Variants in MYH9 observed in about 807,000 individuals in gnomAD.
MYH9 encodes myosin-9.
MYH9 carries 29 observed loss-of-function variants against 241.9 expected under a neutral mutation model. That is an observed-to-expected ratio of 0.12 (90% CI 0.09 to 0.16). The LOEUF (loss-of-function observed/expected upper bound fraction) is 0.16, where lower values mean the gene tolerates loss of function less well. Ranked by LOEUF, MYH9 falls within the 10% of genes least tolerant of loss-of-function variation. The pLI is 1.00. For missense variants in MYH9, 1,803 were observed against 2,595.5 expected (o/e 0.69, Z 6.63); for synonymous variants, 1,047 against 1,062.6 (o/e 0.99, Z 0.29).
intron 1 of MYH9, among the ~76,000 whole-genome samples, chr22:36,355,723 CA>C (rs1351548153): frequency 6.6e-6 from 1 of 152,128 alleles, no homozygotes; most frequent in African/African-American, 2.4e-5. Flanking sequence ...GGGGCTCAGA[CA>C]AGGCACAAAA....
chr22:36,381,499 G>C (rs963814874), intron 1 of MYH9, among the ~76,000 whole-genome samples: 2 of 149,092 alleles, frequency 1.3e-5, no homozygotes, highest in African/African-American at 2.5e-5. Context: ...CTGGGCAACA[G>C]AGCGAGACTC....
chr22:36,296,799 T>C (rs2016794594), intron 25 of MYH9, 44 bp downstream of exon 25: 1 of 1,566,206 alleles, frequency 6.4e-7, no homozygotes, highest in Non-Finnish European at 8.6e-7. Flanking sequence ...CAGGAAGGGC[T>C]GGCCCAGGCC....
chr22:36,373,242 C>CCCCCTG (rs1166961983), intron 1 of MYH9, among the ~76,000 whole-genome samples: 4 of 152,322 alleles, frequency 2.6e-5, no homozygotes, highest in Middle Eastern at 3.4e-3. Context: ...CCACTATCCT[C>CCCCCTG]CCCCTGCCCC....
chr22:36,289,800 G>C (rs533707156), intron 31 of MYH9, among the ~76,000 whole-genome samples: 151 of 152,118 alleles, frequency 9.9e-4, no homozygotes, highest in African/African-American at 3.6e-3. Flanking sequence ...CCTTCCTTTT[G>C]GCCCAAACCT....
intron 10 of MYH9, among the ~76,000 whole-genome samples, chr22:36,318,739 G>C (rs1200489654): frequency 3.9e-4 from 59 of 152,172 alleles, no homozygotes; most frequent in Admixed American, 3.8e-3. Flanking sequence ...GCTGGGGCAC[G>C]GAACAGCACA....
At position 36,289,163 on chromosome 22, in the gene MYH9, C is replaced by T. The variant is rs149271663; in HGVS notation, c.4479G>A (p.Ala1493=). Residue 1493 remains alanine (A), a synonymous_variant, in exon 32 of 41, where the codon GCG becomes GCA. Coordinates refer to ENST00000216181, the MANE Select transcript of MYH9 (RefSeq NM_002473.6). ...ACTGCTTGTTGAGCCGCTCCAGCTC[C>T]GCCTTCTGCTCCATGGCTTCCTCCA... ...RALEEAMEQK[A]ELERLNKQFR... is the part of the protein sequence containing the mutation. 101 of 1,613,856 alleles carry T rather than the reference C, an allele frequency of 6.3e-5. No homozygotes were observed. Among genetic ancestry groups the T allele is most frequent in the Middle Eastern group, 1.6e-4 (1 of 6,084 alleles).
chr22:36,285,210 C>T lies in MYH9; in HGVS notation c.5394G>A (p.Glu1798=), dbSNP rs781579067. 1.8e-5 allele frequency: 29 copies of T among 1,614,088 alleles called. No individual in the cohort carries two copies. The highest frequency in any genetic ancestry group is 2.4e-5 in the Non-Finnish European group (28 of 1,180,042). The change falls in exon 38 of 41, where the codon GAG becomes GAA. Residue 1798 remains glutamate, a synonymous_variant. Coordinates refer to ENST00000216181, the MANE Select transcript of MYH9 (RefSeq NM_002473.6). This position sits in a 1 kb window ranked among gnomAD's most constrained non-coding sequence, Gnocchi z 7.0. ...CCTTGTACTTGGACTTGACAGTGCCCTCCATCTCCTGCAGCTTGACCTTAA... is the reference window on the plus strand; with the variant it reads ...CCTTGTACTTGGACTTGACAGTGCCTTCCATCTCCTGCAGCTTGACCTTAA... ...KELKVKLQEM[E]GTVKSKYKAS...
chr22:36,294,489 T>G (rs1047509268), intron 27 of MYH9, among the ~76,000 whole-genome samples, 191 bp from the exon 28 acceptor site: 1 of 152,180 alleles, frequency 6.6e-6, no homozygotes, highest in Non-Finnish European at 1.5e-5. Context: ...TGGGTGACAC[T>G]TGGTTCCTGT....
At chr22:36,336,435 G>A (rs949261664) in intron 3 of MYH9, among the ~76,000 whole-genome samples, 1 of 152,178 alleles carries the variant, frequency 6.6e-6, no homozygotes, top group Non-Finnish European at 1.5e-5. Flanking sequence ...TGCCTGCCCC[G>A]GGACACAGTC....
In MYH9 at chr22:36,349,021, G is replaced by A; in HGVS notation, c.216C>T (p.Ile72=). The part of the protein sequence containing the change: ...GKKVKVNKDD[I]QKMNPPKFSK... ...AGAACTTGGGCGGGTTCATCTTCTG[G>A]ATGTCATCCTTGTTCACCTTCACCT... Residue 72 remains isoleucine, a synonymous_variant, in exon 2 of 41, where the codon ATC becomes ATT. Transcript: ENST00000216181. 1 of 1,614,200 alleles carries A rather than the reference G, an allele frequency of 6.2e-7. No homozygotes were observed. Among genetic ancestry groups the A allele is most frequent in the African/African-American group, 1.3e-5 (1 of 75,048 alleles).
rs750808339 is a variant in MYH9 at position 36,285,730 on chromosome 22, C to A, written c.5202G>T (p.Leu1734=). 59 of 1,612,982 alleles carry A rather than the reference C, an allele frequency of 3.7e-5. No individual in the cohort carries two copies. Among genetic ancestry groups the A allele is most frequent in the Non-Finnish European group, 4.8e-5 (57 of 1,179,856 alleles). ...CCTGCTCCTCCTCCAGCTCCTCCTC[C>A]AGCTGGGCGATGCGGGCCTCCAGAC... The part of the protein sequence containing the change: ...KRRLEARIAQ[L]EEELEEEQGN... Residue 1734 remains leucine (L), a synonymous_variant, in exon 37 of 41, where the codon CTG becomes CTT. Coordinates refer to ENST00000216181, the MANE Select transcript of MYH9 (RefSeq NM_002473.6). This position sits in a 1 kb window ranked among gnomAD's most constrained non-coding sequence, Gnocchi z 7.0.
At chr22:36,287,510 G>A (rs959609887) in intron 34 of MYH9, among the ~76,000 whole-genome samples, 1 of 151,998 alleles carries the variant, frequency 6.6e-6, no homozygotes, top group African/African-American at 2.4e-5. Flanking sequence ...TTGGGAGGCC[G>A]AGGCGGGTGG....
chr22:36,290,838 G>A (rs1423638776), intron 31 of MYH9, among the ~76,000 whole-genome samples: 1 of 146,294 alleles, frequency 6.8e-6, no homozygotes, highest in Non-Finnish European at 1.5e-5. Flanking sequence ...GCCCAGTGGC[G>A]ACCCCGTCTG....
chr22:36,381,882 A>G (rs1288708348), intron 1 of MYH9, among the ~76,000 whole-genome samples: 1 of 152,212 alleles, frequency 6.6e-6, no homozygotes, highest in African/African-American at 2.4e-5. Flanking sequence ...AGATTCTCAG[A>G]CATTTCCTTC....
chr22:36,320,751 C>T lies in MYH9; in HGVS notation c.868+47G>A, dbSNP rs758596129. On this transcript the variant is annotated intron_variant, in intron 8 of 40. Transcript: ENST00000216181. This position sits in a 1 kb window ranked among gnomAD's most constrained non-coding sequence, Gnocchi z 4.8. ...TCTACGGTCCAATTCTGGCAAGAGG[C>T]CCAGAGCCCGGCAGCCCCGGTGTCA... 15 of 1,518,498 alleles carry T rather than the reference C, an allele frequency of 9.9e-6. No individual in the cohort carries two copies. Among genetic ancestry groups the T allele is most frequent in the African/African-American group, 5.5e-5 (4 of 72,948 alleles). The allele number at this position is 1,518,498 out of a possible 1,614,324, so 94.1% of individuals were successfully genotyped here.
chr22:36,306,655 G>A lies in MYH9; in HGVS notation c.1844-48C>T. 1 of 1,562,232 alleles carries A rather than the reference G, an allele frequency of 6.4e-7. No individual in the cohort carries two copies. Among genetic ancestry groups the A allele is most frequent in the Non-Finnish European group, 8.7e-7 (1 of 1,145,296 alleles). On this transcript the variant is annotated intron_variant, in intron 15 of 40. Transcript: ENST00000216181. This position sits in a 1 kb window ranked among gnomAD's most constrained non-coding sequence, Gnocchi z 4.1. ...GTGAGTGCCCACACAGTTGCAGCTG[G>A]GTGGTGGGGGAGCACGTAGGAGAGA...
rs148498050 is a variant in MYH9 at position 36,381,216 on chromosome 22, T to C, written c.-20+6591A>G. Among the ~76,000 whole-genome samples the C allele has an allele frequency of 2.6e-5, 4 of 152,284 alleles. No individual in the cohort carries two copies. In the East Asian group the frequency reaches 7.7e-4, roughly 29 times the overall value. Reference sequence around the variant, plus strand: ...AAATAAGAAATAGCTGAATTTTTTATTCTTTAGGGACAATATGGCCGGGCA... The same window carrying C: ...AAATAAGAAATAGCTGAATTTTTTACTCTTTAGGGACAATATGGCCGGGCA... On this transcript the variant is annotated intron_variant, in intron 1 of 40. Transcript: ENST00000216181.
chr22:36,315,111 G>A (rs1181102347), intron 12 of MYH9, among the ~76,000 whole-genome samples: 1 of 151,754 alleles, frequency 6.6e-6, no homozygotes, highest in Non-Finnish European at 1.5e-5. Context: ...ACAAGAACTA[G>A]CCATGGGCTT....
chr22:36,364,101 G>A (rs148774466), intron 1 of MYH9, among the ~76,000 whole-genome samples: 2 of 152,346 alleles, frequency 1.3e-5, no homozygotes, highest in African/African-American at 4.8e-5. Context: ...CATCACGACT[G>A]CTGAGAAGTG....
Sources: gnomAD v4.1 joint callset for allele counts (sites outside exome capture counted in the v4.1 genomes callset) on GRCh38, gnomAD v4.1.1 for gene constraint, Gnocchi (gnomAD v3.1) non-coding constraint, MANE v1.5 for transcripts, NCBI Gene and HGNC (gene_info 2026-07-23, HGNC 2026-07-21) for gene names.